Variants in ARID4B observed in about 807,000 individuals in gnomAD.
ARID4B encodes the protein AT-rich interaction domain 4B.
A neutral mutation model predicts 147.5 loss-of-function variants in ARID4B; 26 were observed. The observed-to-expected ratio is 0.18, with a 90% CI of 0.13 to 0.24. The LOEUF (loss-of-function observed/expected upper bound fraction) is 0.24. Ranked by LOEUF, ARID4B falls within the 10% of genes least tolerant of loss-of-function variation. The pLI, the probability that ARID4B is intolerant of heterozygous loss-of-function variation, is 1.00. For missense variants in ARID4B, 1,179 were observed against 1,511.5 expected, an observed-to-expected ratio of 0.78 and a Z score of 3.65; for synonymous variants, 512 against 507.9, an observed-to-expected ratio of 1.01 and a Z score of -0.11.
At chr1:235,187,897 G>C (rs1664803019) in intron 19 of ARID4B, among the ~76,000 whole-genome samples, 1 of 151,980 alleles carries the variant, frequency 6.6e-6, no homozygotes, top group Non-Finnish European at 1.5e-5. Context: ...GAAAAATATG[G>C]GAAAGGATCA....
chr1:235,180,210 T>C (rs562956326), intron 20 of ARID4B: 13 of 146,766 alleles, frequency 8.9e-5, no homozygotes, highest in African/African-American at 3.0e-4. Context: ...GGCGTGATCT[T>C]GGCTCACTGC....
At chr1:235,266,132 A>C (rs1368167323) in intron 2 of ARID4B, among the ~76,000 whole-genome samples, 1 of 152,154 alleles carries the variant, frequency 6.6e-6, no homozygotes, top group East Asian at 1.9e-4. Flanking sequence ...GAGAATCTTA[A>C]ATCTTTGTGG....
intron 21 of ARID4B, chr1:235,176,812 TG>T (rs991183728): frequency 2.1e-6 from 1 of 469,830 alleles, no homozygotes; most frequent in Non-Finnish European, 4.4e-6. Context: ...TTTTCTGCAC[TG>T]AAGTGCAGCC....
intron 2 of ARID4B, among the ~76,000 whole-genome samples, chr1:235,263,426 A>T (rs1471799363): frequency 6.6e-6 from 1 of 152,206 alleles, no homozygotes; most frequent in Non-Finnish European, 1.5e-5. Context: ...AGACACTAGC[A>T]ACATTTCAAC....
intron 2 of ARID4B, among the ~76,000 whole-genome samples, chr1:235,283,921 G>A (rs1427211030): frequency 6.6e-6 from 1 of 151,920 alleles, no homozygotes; most frequent in Non-Finnish European, 1.5e-5. Flanking sequence ...TATTTTAGTA[G>A]AGACGGGGTT....
chr1:235,263,555 G>A (rs1408967434), intron 2 of ARID4B, among the ~76,000 whole-genome samples: 1 of 152,142 alleles, frequency 6.6e-6, no homozygotes, highest in Non-Finnish European at 1.5e-5. Flanking sequence ...AAAAATCCGT[G>A]TTGACGGGAG....
rs574414127 is a variant in ARID4B, at chr1:235,308,279, T to C, written c.6+18635A>G. 4.0e-4 allele frequency among the ~76,000 whole-genome samples: 55 copies of C among 137,118 alleles called. No individual in the cohort carries two copies. The Middle Eastern group carries it at 0.015, about 37-fold the overall frequency. 90.0% of individuals were successfully genotyped at this position (137,118 alleles called of 152,430 possible). On this transcript the variant is annotated intron_variant, in intron 2 of 23. Coordinates refer to ENST00000264183, the MANE Select transcript of ARID4B (RefSeq NM_016374.6). ...ATGCACAGCTAATTTTTGTATTGTATTTTTAGTAGAGACAGGGTTTCGCTG... is the reference window on the plus strand; with the variant it reads ...ATGCACAGCTAATTTTTGTATTGTACTTTTAGTAGAGACAGGGTTTCGCTG...
intron 2 of ARID4B, among the ~76,000 whole-genome samples, chr1:235,291,624 C>T (rs1241436375): frequency 6.6e-6 from 1 of 151,634 alleles, no homozygotes; most frequent in East Asian, 1.9e-4. Context: ...TCACTTGAGG[C>T]CAGGAATTTG....
intron 6 of ARID4B, among the ~76,000 whole-genome samples, chr1:235,247,761 G>A (rs1220160532): frequency 6.6e-6 from 1 of 152,152 alleles, no homozygotes; most frequent in Non-Finnish European, 1.5e-5. Flanking sequence ...GGCCGAGGCA[G>A]GTGGAATACC....
intron 2 of ARID4B, among the ~76,000 whole-genome samples, chr1:235,293,034 C>T (rs985089975): frequency 6.6e-6 from 1 of 152,184 alleles, no homozygotes; most frequent in Non-Finnish European, 1.5e-5. Context: ...TTCCCAAAAC[C>T]TACAGGGCAG....
At chr1:235,317,802 G>A (rs143530192) in intron 2 of ARID4B, among the ~76,000 whole-genome samples, 1 of 152,116 alleles carries the variant, frequency 6.6e-6, no homozygotes, top group Non-Finnish European at 1.5e-5. Context: ...CTAGAACAGA[G>A]ACCAATACAT....
chr1:235,249,110 A>G (rs1026527560), intron 6 of ARID4B, among the ~76,000 whole-genome samples: 3 of 152,150 alleles, frequency 2.0e-5, no homozygotes, highest in Admixed American at 2.0e-4. Context: ...AGGTGGGCGG[A>G]TCACTTGAGG....
intron 2 of ARID4B, among the ~76,000 whole-genome samples, chr1:235,302,153 G>GAAAAA (rs749154889): frequency 0.049 from 1,510 of 30,566 alleles, 84 homozygotes; most frequent in African/African-American, 0.069. Flanking sequence ...TCAAAAAACG[G>GAAAAA]AAAAAAAAAA....
intron 16 of ARID4B, among the ~76,000 whole-genome samples, chr1:235,214,512 C>G (rs1224204810): frequency 1.3e-5 from 2 of 152,092 alleles, no homozygotes; most frequent in African/African-American, 4.8e-5. Flanking sequence ...CTGGAGGCCT[C>G]AGGAAGTTTG....
chr1:235,325,458 C>T (rs1471440799), intron 2 of ARID4B, among the ~76,000 whole-genome samples: 1 of 151,970 alleles, frequency 6.6e-6, no homozygotes, highest in African/African-American at 2.4e-5. Flanking sequence ...ATTTATAGAG[C>T]ACCTAAGAAG....
chr1:235,280,779 C>A (rs1012163467), intron 2 of ARID4B, among the ~76,000 whole-genome samples: 45 of 152,290 alleles, frequency 3.0e-4, no homozygotes, highest in Non-Finnish European at 2.9e-5. Flanking sequence ...GTCCTGCTGG[C>A]GGGAAGGACT....
At chr1:235,294,311 ATTTT>A (rs5781824) in intron 2 of ARID4B, among the ~76,000 whole-genome samples, 2 of 114,104 alleles carry the variant, frequency 1.8e-5, no homozygotes, top group Admixed American at 1.0e-4. Flanking sequence ...AACCAGCAGC[ATTTT>A]TTTTTTTTTT....
intron 22 of ARID4B, among the ~76,000 whole-genome samples, chr1:235,174,273 T>C (rs1663690206): frequency 6.6e-6 from 1 of 151,832 alleles, no homozygotes; most frequent in Admixed American, 6.6e-5. Flanking sequence ...ACTCCTGACC[T>C]CGTGATCCAC....
At chr1:235,198,317 T>C (rs983720125) in intron 17 of ARID4B, among the ~76,000 whole-genome samples, 3 of 152,264 alleles carry the variant, frequency 2.0e-5, no homozygotes, top group African/African-American at 7.2e-5. Context: ...TAGGGTAAAA[T>C]AGTAGTTTTC....
Sources: gnomAD v4.1 joint callset for allele counts (sites outside exome capture counted in the v4.1 genomes callset) on GRCh38, gnomAD v4.1.1 for gene constraint, MANE v1.5 for transcripts, NCBI Gene and HGNC (gene_info 2026-07-23, HGNC 2026-07-21) for gene names.